CDH13: variants seen among roughly 807,000 people sequenced by gnomAD.
CDH13 encodes the protein cadherin 13, also known as cadherin-13.
A neutral mutation model predicts 63.8 loss-of-function variants in CDH13; 24 were observed. That is an observed-to-expected ratio of 0.38 (90% confidence interval 0.27 to 0.53). The LOEUF (loss-of-function observed/expected upper bound fraction) is 0.53. Ranked by LOEUF, CDH13 falls within the 20% of genes least tolerant of loss-of-function variation. The pLI is 0.85. For missense variants in CDH13, 1,049 were observed against 903.1 expected (o/e 1.16, Z -2.07); for synonymous variants, 503 against 355.3 (o/e 1.42, Z -4.67).
chr16:82,999,897 C>T (rs985097867), intron 2 of CDH13, among the ~76,000 whole-genome samples: 1 of 152,034 alleles, frequency 6.6e-6, no homozygotes, highest in Non-Finnish European at 1.5e-5. Flanking sequence ...GACAATTTCA[C>T]CCCCTGAGGG....
intron 1 of CDH13, among the ~76,000 whole-genome samples, chr16:82,814,443 C>A (rs2037601916): frequency 1.3e-5 from 2 of 152,054 alleles, no homozygotes; most frequent in Admixed American, 6.5e-5. Flanking sequence ...AGTTGATCAC[C>A]AACGGTCAGT....
At chr16:82,997,789 A>G (rs1057380973) in intron 2 of CDH13, among the ~76,000 whole-genome samples, 1 of 152,170 alleles carries the variant, frequency 6.6e-6, no homozygotes, top group African/African-American at 2.4e-5. Context: ...CTGTCACAAC[A>G]TTAAATATTC....
chr16:83,515,129 C>A (rs549303769), intron 7 of CDH13, among the ~76,000 whole-genome samples: 1 of 152,068 alleles, frequency 6.6e-6, no homozygotes, highest in Non-Finnish European at 1.5e-5. Flanking sequence ...GTTCTGGAGA[C>A]GTCATTCCAT....
intron 6 of CDH13, among the ~76,000 whole-genome samples, chr16:83,379,173 A>G (rs1001991534): frequency 6.6e-6 from 1 of 152,170 alleles, no homozygotes; most frequent in Non-Finnish European, 1.5e-5. Flanking sequence ...AAAATATTCA[A>G]AATCTCATAA....
intron 7 of CDH13, among the ~76,000 whole-genome samples, chr16:83,563,688 T>A (rs2075745238): frequency 6.6e-6 from 1 of 152,162 alleles, no homozygotes; most frequent in South Asian, 2.1e-4. Flanking sequence ...TGTGTTTGTG[T>A]AAGAACACAT....
intron 6 of CDH13, among the ~76,000 whole-genome samples, chr16:83,467,506 CCTAGAAAACGT>C (rs146722765): frequency 0.025 from 3,843 of 152,178 alleles, 164 homozygotes; most frequent in African/African-American, 0.087. Context: ...GTGAATTGAG[CCTAGAAAACGT>C]GTCTGTTTTT....
At chr16:82,862,927 G>C (rs940115441) in intron 2 of CDH13, among the ~76,000 whole-genome samples, 1 of 152,170 alleles carries the variant, frequency 6.6e-6, no homozygotes, top group Admixed American at 6.5e-5. Flanking sequence ...TCACTGAGCT[G>C]GCAGACAGGG....
chr16:82,740,849 G>GCCTC (rs967461565), intron 1 of CDH13, among the ~76,000 whole-genome samples: 37 of 152,254 alleles, frequency 2.4e-4, no homozygotes, highest in Admixed American at 1.9e-3. Context: ...CATAGCAAAA[G>GCCTC]CCTCCATATG....
chr16:83,616,486 A>AG (rs1207885751), intron 8 of CDH13, among the ~76,000 whole-genome samples: 7 of 152,096 alleles, frequency 4.6e-5, no homozygotes, highest in Non-Finnish European at 7.4e-5. Flanking sequence ...TTTTCACTAT[A>AG]GCTGGCAGAG....
At chr16:83,353,502 C>T (rs2090998290) in intron 6 of CDH13, among the ~76,000 whole-genome samples, 1 of 152,204 alleles carries the variant, frequency 6.6e-6, no homozygotes, top group Admixed American at 6.5e-5. Context: ...TGCCTGAACC[C>T]CTTTATTCTG....
chr16:83,552,337 A>AG (rs2075520350), intron 7 of CDH13, among the ~76,000 whole-genome samples: 1 of 152,226 alleles, frequency 6.6e-6, no homozygotes, highest in African/African-American at 2.4e-5. Context: ...TTATCTTACC[A>AG]GGAAATGACT....
chr16:83,132,331 C>A (rs1483986495), intron 4 of CDH13, among the ~76,000 whole-genome samples: 2 of 151,966 alleles, frequency 1.3e-5, no homozygotes, highest in Non-Finnish European at 2.9e-5. Flanking sequence ...TTGCTGTCAT[C>A]CCTCTACCTC....
At chr16:82,899,987 G>T (rs996462315) in intron 2 of CDH13, among the ~76,000 whole-genome samples, 2 of 152,166 alleles carry the variant, frequency 1.3e-5, no homozygotes, top group African/African-American at 4.8e-5. Context: ...CTACACGTAT[G>T]GGCAGTGAGG....
intron 2 of CDH13, among the ~76,000 whole-genome samples, chr16:82,911,994 A>G (rs1030011445): frequency 2.0e-5 from 3 of 151,776 alleles, no homozygotes; most frequent in African/African-American, 7.3e-5. Flanking sequence ...CGATTCAGCC[A>G]CTGTCTAACC....
intron 6 of CDH13, among the ~76,000 whole-genome samples, chr16:83,390,125 C>A (rs900771327): frequency 6.6e-6 from 1 of 152,144 alleles, no homozygotes; most frequent in Non-Finnish European, 1.5e-5. Context: ...ATACAAGAAA[C>A]ATGGAGCACC....
intron 1 of CDH13, among the ~76,000 whole-genome samples, chr16:82,745,560 C>T (rs530654038): frequency 3.8e-4 from 58 of 152,156 alleles, no homozygotes; most frequent in South Asian, 1.2e-3. Context: ...GCCAAGATCA[C>T]GCCACTGAAC....
intron 7 of CDH13, among the ~76,000 whole-genome samples, chr16:83,491,768 G>A (rs148211243): frequency 1.1e-3 from 167 of 152,138 alleles, no homozygotes; most frequent in Middle Eastern, 3.4e-3. Context: ...TAGCCTGCCC[G>A]TGAAAATGTA....
intron 6 of CDH13, among the ~76,000 whole-genome samples, chr16:83,402,931 T>C (rs1426671789): frequency 6.6e-6 from 1 of 152,220 alleles, no homozygotes; most frequent in Non-Finnish European, 1.5e-5. Flanking sequence ...GGTTCTATTT[T>C]CTAATCCCAT....
chr16:83,667,944 T>C (rs775283198), intron 8 of CDH13, among the ~76,000 whole-genome samples: 12 of 152,288 alleles, frequency 7.9e-5, no homozygotes, highest in Non-Finnish European at 1.8e-4. Context: ...ATTACAGTGT[T>C]AGAATACCAT....
Sources: gnomAD v4.1 joint callset for allele counts (sites outside exome capture counted in the v4.1 genomes callset) on GRCh38, gnomAD v4.1.1 for gene constraint, MANE v1.5 for transcripts, NCBI Gene and HGNC (gene_info 2026-07-23, HGNC 2026-07-21) for gene names.